Variants in CCDC102B observed in about 807,000 individuals in gnomAD.
The protein encoded by CCDC102B is coiled-coil domain containing 102B, also known as coiled-coil domain-containing protein 102B.
A neutral mutation model predicts 57.4 loss-of-function variants in CCDC102B; 75 were observed. The ratio of observed to expected loss-of-function variants is 1.31; its 90% CI spans 1.08 to 1.58. The LOEUF (loss-of-function observed/expected upper bound fraction) is 1.58, where lower values mean the gene tolerates loss of function less well. Ranked by LOEUF, CCDC102B falls within the 40% of genes most tolerant of loss-of-function variation. The pLI is 0.00. For missense variants in CCDC102B, 636 were observed against 582.6 expected (o/e 1.09, Z -0.94); for synonymous variants, 206 against 201.9 (o/e 1.02, Z -0.17).
At chr18:68,822,965 G>A (rs2144743177) in intron 1 of CCDC102B, among the ~76,000 whole-genome samples, 1 of 152,236 alleles carries the variant, frequency 6.6e-6, no homozygotes, top group Non-Finnish European at 1.5e-5. Context: ...AGAGTCACCT[G>A]CCTCTACAAA....
At chr18:68,929,467 CAGCCCCTGCTGCTGGGT>C (rs2041592675) in intron 6 of CCDC102B, among the ~76,000 whole-genome samples, 1 of 151,942 alleles carries the variant, frequency 6.6e-6, no homozygotes. Flanking sequence ...GCTTTTATGG[CAGCCCCTGCTGCTGGGT>C]TCTCGAAGCT....
intron 6 of CCDC102B, among the ~76,000 whole-genome samples, chr18:68,906,290 C>T (rs1241567733): frequency 2.0e-5 from 3 of 152,074 alleles, no homozygotes; most frequent in African/African-American, 7.2e-5. Flanking sequence ...ATCATGCATG[C>T]ACATGTATTA....
At chr18:69,015,711 G>T (rs2051645855) in intron 7 of CCDC102B, among the ~76,000 whole-genome samples, 2 of 152,064 alleles carry the variant, frequency 1.3e-5, no homozygotes, top group South Asian at 4.1e-4. Flanking sequence ...AATAAACAAA[G>T]AATTTCTTTT....
At chr18:69,017,377 G>A (rs1017678910) in intron 7 of CCDC102B, among the ~76,000 whole-genome samples, 3 of 151,968 alleles carry the variant, frequency 2.0e-5, no homozygotes, top group Non-Finnish European at 4.4e-5. Context: ...CACCAGCCTC[G>A]AGCTTCCCAA....
chr18:68,730,680 G>T (rs1410222205), intron 2 of CCDC102B, among the ~76,000 whole-genome samples: 1 of 152,150 alleles, frequency 6.6e-6, no homozygotes. Context: ...CTTAAAGTAG[G>T]CAAATCCTAC....
intron 6 of CCDC102B, among the ~76,000 whole-genome samples, chr18:68,958,644 T>C (rs2049968627): frequency 6.6e-6 from 1 of 152,204 alleles, no homozygotes; most frequent in Non-Finnish European, 1.5e-5. Flanking sequence ...ATTTACAGTT[T>C]TGAGGCTATT....
intron 7 of CCDC102B, among the ~76,000 whole-genome samples, chr18:69,011,736 C>A (rs964942356): frequency 1.3e-5 from 2 of 151,684 alleles, no homozygotes; most frequent in Non-Finnish European, 2.9e-5. Flanking sequence ...GGGACTGTCA[C>A]CCGCAGTAGC....
At chr18:68,862,159 A>G (rs2038790016) in intron 4 of CCDC102B, among the ~76,000 whole-genome samples, 1 of 152,200 alleles carries the variant, frequency 6.6e-6, no homozygotes, top group Admixed American at 6.5e-5. Flanking sequence ...TACAAATTAC[A>G]TTTCTCAGAT....
intron 5 of CCDC102B, among the ~76,000 whole-genome samples, chr18:68,886,070 A>G (rs2039873300): frequency 6.6e-6 from 1 of 151,900 alleles, no homozygotes; most frequent in South Asian, 2.1e-4. Flanking sequence ...TATATTTACA[A>G]TGTTAAGATG....
At chr18:68,766,079 TAAG>T (rs2034461441) in intron 2 of CCDC102B, among the ~76,000 whole-genome samples, 1 of 152,192 alleles carries the variant, frequency 6.6e-6, no homozygotes, top group African/African-American at 2.4e-5. Context: ...AGTAGCAATT[TAAG>T]GTGTCAATTA....
chr18:68,792,827 G>A (rs760636757), intron 2 of CCDC102B, among the ~76,000 whole-genome samples: 87 of 152,158 alleles, frequency 5.7e-4, no homozygotes, highest in Non-Finnish European at 1.0e-3. Flanking sequence ...TCCTTTAGTT[G>A]ACAAAATATA....
At chr18:69,041,512 T>A (rs1032460887) in intron 7 of CCDC102B, among the ~76,000 whole-genome samples, 10 of 152,086 alleles carry the variant, frequency 6.6e-5, no homozygotes, top group Non-Finnish European at 1.2e-4. Flanking sequence ...GCTTCCCCTA[T>A]GGACTCCTTA....
chr18:68,865,949 A>G (rs1568298603), intron 4 of CCDC102B, among the ~76,000 whole-genome samples: 2 of 152,182 alleles, frequency 1.3e-5, no homozygotes, highest in African/African-American at 2.4e-5. Context: ...AACTTCTTCC[A>G]TGTCTATCTA....
intron 6 of CCDC102B, among the ~76,000 whole-genome samples, chr18:68,953,235 A>G (rs1374655788): frequency 3.9e-5 from 6 of 151,982 alleles, no homozygotes; most frequent in Non-Finnish European, 5.9e-5. Context: ...AATTGTAAAG[A>G]TGTTCTATTT....
chr18:68,729,171 A>C (rs540160810), intron 2 of CCDC102B, among the ~76,000 whole-genome samples: 1 of 152,340 alleles, frequency 6.6e-6, no homozygotes, highest in Non-Finnish European at 1.5e-5. Context: ...AGCTATATGA[A>C]GAAAATTATG....
upstream of CCDC102B, among the ~76,000 whole-genome samples, chr18:68,797,833 G>A (rs1463748163): frequency 6.9e-6 from 1 of 144,636 alleles, no homozygotes; most frequent in African/African-American, 2.6e-5. Context: ...TAAACATTAA[G>A]AACACTTGTG....
At chr18:68,716,087 C>G (rs2031960659) in intron 1 of CCDC102B, among the ~76,000 whole-genome samples, 1 of 151,966 alleles carries the variant, frequency 6.6e-6, no homozygotes, top group Admixed American at 6.6e-5. Context: ...TCTACAGATT[C>G]AATTTTTCTT....
intron 2 of CCDC102B, among the ~76,000 whole-genome samples, chr18:68,736,000 G>A (rs1309284185): frequency 6.6e-6 from 1 of 152,142 alleles, no homozygotes; most frequent in East Asian, 1.9e-4. Context: ...TTTCTCTTGA[G>A]AGATCAACTC....
intron 1 of CCDC102B, among the ~76,000 whole-genome samples, chr18:68,809,558 GA>G (rs1330957601): frequency 1.3e-5 from 2 of 148,852 alleles, no homozygotes; most frequent in African/African-American, 5.0e-5. Flanking sequence ...TGTAACAAAT[GA>G]ATTTTTGAAA....
Sources: allele counts gnomAD v4.1 joint callset (sites outside exome capture counted in the v4.1 genomes callset), GRCh38; gene constraint gnomAD v4.1.1; transcripts MANE v1.5; gene names NCBI Gene and HGNC (gene_info 2026-07-23, HGNC 2026-07-21).